Variants in RNF216 observed in about 807,000 individuals in gnomAD.
RNF216 encodes the protein E3 ubiquitin-protein ligase RNF216.
Under a neutral mutation model 110.8 loss-of-function variants are expected in RNF216, and 72 were observed. That is an observed-to-expected ratio of 0.65 (90% CI 0.54 to 0.79). The LOEUF (loss-of-function observed/expected upper bound fraction) is 0.79. RNF216 is among the 30% of genes least tolerant of loss of function. The probability of loss-of-function intolerance (pLI) is 0.00; values close to 1 mark genes in which losing one functional copy is unlikely to be tolerated. For missense variants in RNF216, 1,342 were observed against 1,141.2 expected, an observed-to-expected ratio of 1.18 and a Z score of -2.54; for synonymous variants, 495 against 407.5, an observed-to-expected ratio of 1.21 and a Z score of -2.59.
chr7:5,727,237 T>C (rs1245392884), intron 7 of RNF216, among the ~76,000 whole-genome samples: 1 of 152,150 alleles, frequency 6.6e-6, no homozygotes, highest in Non-Finnish European at 1.5e-5. Context: ...TCTTTCTTCT[T>C]CCCCTCTTTG....
Position 5,741,345 on chromosome 7 carries a change from G to C in RNF216, c.672C>G (p.Ile224Met). Residue 224 changes from isoleucine to methionine, a missense_variant, in exon 4 of 17, where the codon ATC becomes ATG. By Grantham distance (10) the Ile-to-Met change is conservative. Coordinates refer to ENST00000389902, the MANE Select transcript of RNF216 (RefSeq NM_207111.4). ...GATGATCTAACCAGCAGTCTTCTTC[G>C]ATGGCCTGATCATCTGCTAGAGCAG... ...ESAALADDQA[I>M]EEDCWLDHPY... The C allele has an allele frequency of 6.2e-7, 1 of 1,614,102 alleles. No individual in the cohort carries two copies. The highest frequency in any genetic ancestry group is 8.5e-7 in the Non-Finnish European group (1 of 1,180,014).
chr7:5,707,869 G>A (rs1326172224), intron 13 of RNF216, among the ~76,000 whole-genome samples: 1 of 152,040 alleles, frequency 6.6e-6, no homozygotes, highest in Non-Finnish European at 1.5e-5. Context: ...GCGATTACAG[G>A]CGCACGCAAC....
At chr7:5,776,327 T>C (rs1796771654) in intron 1 of RNF216, among the ~76,000 whole-genome samples, 1 of 151,720 alleles carries the variant, frequency 6.6e-6, no homozygotes, top group Admixed American at 6.6e-5. Flanking sequence ...CTCAAGCCTG[T>C]AATCCCAGCA....
intron 1 of RNF216, among the ~76,000 whole-genome samples, chr7:5,771,721 C>T (rs1012045185): frequency 6.6e-6 from 1 of 152,068 alleles, no homozygotes; most frequent in Non-Finnish European, 1.5e-5. Context: ...CTCTTGAGCT[C>T]GAGAGGTGGA....
At chr7:5,752,699 T>A in intron 3 of RNF216, 147 bp downstream of exon 3, 1 of 701,396 alleles carries the variant, frequency 1.4e-6, no homozygotes, top group Non-Finnish European at 2.3e-6. Flanking sequence ...CTTCTAAATC[T>A]AAGAGTACAC....
At chr7:5,711,525 A>G (rs2128629167) in intron 13 of RNF216, among the ~76,000 whole-genome samples, 1 of 152,334 alleles carries the variant, frequency 6.6e-6, no homozygotes, top group African/African-American at 2.4e-5. Flanking sequence ...CCTAAAGAAG[A>G]TGATATAAAA....
intron 1 of RNF216, among the ~76,000 whole-genome samples, chr7:5,776,355 G>A (rs1030074074): frequency 1.3e-5 from 2 of 151,770 alleles, no homozygotes; most frequent in African/African-American, 2.4e-5. Context: ...AGGCCAAGGC[G>A]GGCGGATCAC....
At position 5,725,034 on chromosome 7, in the gene RNF216, T is replaced by G. The variant is rs2287591; in HGVS notation, c.1504+290A>C. ...GCATCAAACCTTTGAGACCAGTTTT[T>G]CCCCCCAAGCTTAACAGCACACTCA... is the stretch of plus-strand genomic sequence containing the variant. On this transcript the variant is annotated intron_variant, in intron 8 of 16. Transcript: ENST00000389902. 4.4e-3 allele frequency among the ~76,000 whole-genome samples: 672 copies of G among 152,204 alleles called. 15 individuals are homozygous for G. The South Asian group carries it at 0.044, about 10-fold the overall frequency.
chr7:5,781,088 G>A (rs1414503904), intron 1 of RNF216, among the ~76,000 whole-genome samples: 2 of 152,194 alleles, frequency 1.3e-5, no homozygotes, highest in African/African-American at 2.4e-5. Flanking sequence ...AGATGTGAGG[G>A]AAGAGGAGGA....
intron 2 of RNF216, among the ~76,000 whole-genome samples, chr7:5,759,101 A>G (rs1795794283): frequency 6.6e-6 from 1 of 152,070 alleles, no homozygotes; most frequent in East Asian, 1.9e-4. Context: ...TGGTTGTTTA[A>G]AAGTGTGTGG....
intron 13 of RNF216, among the ~76,000 whole-genome samples, chr7:5,661,330 G>C (rs867491970): frequency 2.2e-4 from 33 of 152,166 alleles, no homozygotes; most frequent in South Asian, 6.2e-4. Context: ...TCAGTAGCCT[G>C]AACTTACAGG....
At chr7:5,629,734 G>A (rs1786946335) in intron 15 of RNF216, among the ~76,000 whole-genome samples, 1 of 150,340 alleles carries the variant, frequency 6.7e-6, no homozygotes, top group Middle Eastern at 3.5e-3. Context: ...GGCTGAGGCA[G>A]GAGAATCACT....
intron 13 of RNF216, among the ~76,000 whole-genome samples, chr7:5,703,177 G>A (rs1792077833): frequency 6.6e-6 from 1 of 152,194 alleles, no homozygotes; most frequent in Non-Finnish European, 1.5e-5. Context: ...CAGTAAATGA[G>A]TCCTCATTTG....
intron 15 of RNF216, among the ~76,000 whole-genome samples, chr7:5,625,118 G>A (rs1382648490): frequency 6.6e-6 from 1 of 152,244 alleles, no homozygotes; most frequent in South Asian, 2.1e-4. Context: ...GTGTGGGCCC[G>A]AGGGGGCTGA....
At chr7:5,773,373 G>C (rs1455552019) in intron 1 of RNF216, among the ~76,000 whole-genome samples, 1 of 149,928 alleles carries the variant, frequency 6.7e-6, no homozygotes, top group Non-Finnish European at 1.5e-5. Context: ...CTCCAGAATA[G>C]CTGGGATTAA....
intron 4 of RNF216, 177 bp from the exon 5 acceptor site, chr7:5,739,529 GA>G: frequency 1.4e-6 from 1 of 697,664 alleles, no homozygotes; most frequent in African/African-American, 1.8e-5. Context: ...TGTCTACATA[GA>G]AGATGAGGTC....
chr7:5,705,362 G>A (rs1474489604), intron 13 of RNF216, among the ~76,000 whole-genome samples: 1 of 152,068 alleles, frequency 6.6e-6, no homozygotes, highest in Non-Finnish European at 1.5e-5. Flanking sequence ...AACCAGACAC[G>A]CCTGTGAGAC....
intron 13 of RNF216, among the ~76,000 whole-genome samples, chr7:5,706,721 T>A (rs1450863967): frequency 6.6e-6 from 1 of 152,224 alleles, no homozygotes; most frequent in Non-Finnish European, 1.5e-5. Context: ...TTCAATTCCT[T>A]TCCACCGGCT....
intron 15 of RNF216, among the ~76,000 whole-genome samples, chr7:5,637,592 G>A (rs1787470429): frequency 6.6e-6 from 1 of 152,154 alleles, no homozygotes; most frequent in Non-Finnish European, 1.5e-5. Flanking sequence ...TGTCACCCAG[G>A]CAGAAGTGTA....
Sources: gnomAD v4.1 joint callset for allele counts (sites outside exome capture counted in the v4.1 genomes callset) on GRCh38, gnomAD v4.1.1 for gene constraint, MANE v1.5 for transcripts, NCBI Gene and HGNC (gene_info 2026-07-23, HGNC 2026-07-21) for gene names.